VWA8: variants seen among roughly 807,000 people sequenced by gnomAD.
The protein encoded by VWA8 is von Willebrand factor A domain containing 8.
Under a neutral mutation model 241.5 loss-of-function variants are expected in VWA8, and 221 were observed. The ratio of observed to expected loss-of-function variants is 0.91; its 90% CI spans 0.82 to 1.02. The LOEUF (loss-of-function observed/expected upper bound fraction) is 1.02, where lower values mean the gene tolerates loss of function less well. Among genes scored for constraint, VWA8 ranks in the 50% least tolerant of loss-of-function variants. The pLI is 0.00. For missense variants in VWA8, 2,322 were observed against 2,328.7 expected (o/e 1.00, Z 0.06); for synonymous variants, 852 against 827.1 (o/e 1.03, Z -0.52).
intron 12 of VWA8, among the ~76,000 whole-genome samples, chr13:41,837,136 T>C (rs184351337): frequency 2.6e-5 from 4 of 152,282 alleles, no homozygotes; most frequent in Non-Finnish European, 5.9e-5. Flanking sequence ...TCCAGTCTGG[T>C]CTTGAACTCC....
intron 12 of VWA8, among the ~76,000 whole-genome samples, chr13:41,860,821 T>C (rs1428647197): frequency 6.6e-6 from 1 of 152,002 alleles, no homozygotes; most frequent in African/African-American, 2.4e-5. Context: ...AACAGCAGCA[T>C]GAAGTGAACA....
rs1277442773 is a variant in VWA8 at position 41,625,998 on chromosome 13, C to T, written c.4612-10914G>A. On this transcript the variant is annotated intron_variant, in intron 37 of 44. Transcript: ENST00000379310. ...ATCGCAAGGACAAAAAACCAAACAC[C>T]GCATGTTCTCACTCATAGGTGGGAA... Among the ~76,000 whole-genome samples the T allele has an allele frequency of 8.1e-5, 12 of 147,724 alleles. No homozygotes were observed. In the East Asian group the frequency reaches 1.2e-3, roughly 15 times the overall value.
intron 21 of VWA8, among the ~76,000 whole-genome samples, chr13:41,738,262 C>G (rs557758143): frequency 6.6e-6 from 1 of 152,182 alleles, no homozygotes; most frequent in Admixed American, 6.5e-5. Context: ...TCACTCATCA[C>G]TAACATGCTC....
At chr13:41,886,226 T>C (rs1874527452) in intron 7 of VWA8, among the ~76,000 whole-genome samples, 198 bp from the exon 8 acceptor site, 1 of 152,124 alleles carries the variant, frequency 6.6e-6, no homozygotes, top group Non-Finnish European at 1.5e-5. Flanking sequence ...CCTAAATTCA[T>C]CACAATATTT....
At chr13:41,642,717 T>C (rs1334630338) in intron 37 of VWA8, among the ~76,000 whole-genome samples, 1 of 151,470 alleles carries the variant, frequency 6.6e-6, no homozygotes, top group African/African-American at 2.4e-5. Flanking sequence ...TCACCTGAGG[T>C]CAAGAGTTTG....
At chr13:41,681,808 C>A (rs2045101202) in intron 35 of VWA8, among the ~76,000 whole-genome samples, 1 of 152,048 alleles carries the variant, frequency 6.6e-6, no homozygotes, top group Non-Finnish European at 1.5e-5. Flanking sequence ...TTGAACAAGA[C>A]CTTCTGAGGA....
At chr13:41,903,435 A>G (rs1471514823) in intron 4 of VWA8, among the ~76,000 whole-genome samples, 1 of 152,140 alleles carries the variant, frequency 6.6e-6, no homozygotes, top group Non-Finnish European at 1.5e-5. Context: ...CAAACATGGG[A>G]GCAGGGAAAT....
At chr13:41,880,393 C>G (rs1025970733) in intron 9 of VWA8, among the ~76,000 whole-genome samples, 3 of 152,066 alleles carry the variant, frequency 2.0e-5, no homozygotes, top group Admixed American at 6.6e-5. Context: ...TTGGTATTTC[C>G]TGAAAACAAG....
At chr13:41,709,769 C>CTTTT (rs36103013) in intron 26 of VWA8, among the ~76,000 whole-genome samples, 3 of 146,878 alleles carry the variant, frequency 2.0e-5, no homozygotes, top group South Asian at 2.1e-4. Flanking sequence ...CTGTCTCTCT[C>CTTTT]TCTTTTTTTT....
chr13:41,619,522 G>A (rs1291657195), intron 37 of VWA8, among the ~76,000 whole-genome samples: 2 of 152,188 alleles, frequency 1.3e-5, no homozygotes, highest in African/African-American at 4.8e-5. Flanking sequence ...TAGGAGTGGT[G>A]AGAGAGGGCA....
chr13:41,672,739 A>G (rs1387948916), intron 36 of VWA8, among the ~76,000 whole-genome samples: 1 of 152,234 alleles, frequency 6.6e-6, no homozygotes, highest in African/African-American at 2.4e-5. Context: ...GCTACTTTAC[A>G]GGACTCCCAG....
In VWA8 at chr13:41,647,105, G is replaced by A. The variant is rs148014456; in HGVS notation, c.4611+23841C>T. ...CTTTTCCTCACATATTACACACACAGCTTTACTAACAGTAGCAGTAAAGTA... is the reference window on the plus strand; with the variant it reads ...CTTTTCCTCACATATTACACACACAACTTTACTAACAGTAGCAGTAAAGTA... On this transcript the variant is annotated intron_variant, in intron 37 of 44. Coordinates refer to ENST00000379310, the MANE Select transcript of VWA8 (RefSeq NM_015058.2). Among the ~76,000 whole-genome samples the A allele has an allele frequency of 1.1e-3, 162 of 152,256 alleles. 5 individuals carry two copies. The highest frequency in any genetic ancestry group is 3.2e-3 in the African/African-American group (134 of 41,554).
Position 41,592,727 on chromosome 13 carries a change from CAA to C in VWA8, c.4987-1964_4987-1963del, listed in dbSNP as rs34814466. ...ATTAAAAGCCCTTCTCTGTTAATTC[CAA>C]AAAAAAAAAAAAAAAGATTATGTGT... On this transcript the variant is annotated intron_variant, in intron 40 of 44. Transcript: ENST00000379310. 1.3e-3 allele frequency among the ~76,000 whole-genome samples: 161 copies of C among 127,168 alleles called. 1 individual carries two copies. The highest frequency in any genetic ancestry group is 1.7e-3 in the African/African-American group (57 of 33,948). 83.4% of individuals were successfully genotyped at this position (127,168 alleles called of 152,430 possible). A position where few individuals can be genotyped will look rare whatever the true frequency, so the allele number is the denominator to read the frequency against.
At chr13:41,775,723 T>C (rs1477435386) in intron 20 of VWA8, among the ~76,000 whole-genome samples, 1 of 152,206 alleles carries the variant, frequency 6.6e-6, no homozygotes, top group African/African-American at 2.4e-5. Context: ...AAAAGAGAGA[T>C]AGCATATTAG....
At chr13:41,694,892 T>C (rs1037880280) in intron 29 of VWA8, among the ~76,000 whole-genome samples, 1 of 152,168 alleles carries the variant, frequency 6.6e-6, no homozygotes, top group African/African-American at 2.4e-5. Context: ...ACTGAAAAAC[T>C]GTATCTTTCT....
chr13:41,753,355 C>G (rs1345434822), intron 21 of VWA8, among the ~76,000 whole-genome samples: 2 of 152,070 alleles, frequency 1.3e-5, no homozygotes, highest in African/African-American at 4.8e-5. Context: ...TGACTTTAAT[C>G]TTGTCTAAAA....
chr13:41,751,233 A>G (rs1224223872), intron 21 of VWA8, among the ~76,000 whole-genome samples: 2 of 152,226 alleles, frequency 1.3e-5, no homozygotes, highest in African/African-American at 2.4e-5. Flanking sequence ...AAAGTAGAGG[A>G]ACTGCCATAA....
intron 20 of VWA8, among the ~76,000 whole-genome samples, chr13:41,777,103 G>A (rs949179331): frequency 6.6e-6 from 1 of 152,076 alleles, no homozygotes; most frequent in South Asian, 2.1e-4. Flanking sequence ...ATTTTCATAC[G>A]TTCCTCCATA....
At chr13:41,649,585 G>A (rs2044855798) in intron 37 of VWA8, among the ~76,000 whole-genome samples, 1 of 142,442 alleles carries the variant, frequency 7.0e-6, no homozygotes, top group Admixed American at 6.8e-5. Flanking sequence ...AGTATTTTGA[G>A]TATTGATCAT....
Sources: allele counts gnomAD v4.1 joint callset (sites outside exome capture counted in the v4.1 genomes callset), GRCh38; gene constraint gnomAD v4.1.1; transcripts MANE v1.5; gene names NCBI Gene and HGNC (gene_info 2026-07-23, HGNC 2026-07-21).